Variants in PARN observed in about 807,000 individuals in gnomAD.
PARN encodes poly(A)-specific ribonuclease PARN.
In PARN, 71 loss-of-function variants were observed where a neutral mutation model predicts 102.8. The ratio of observed to expected loss-of-function variants is 0.69; its 90% CI spans 0.57 to 0.84. The LOEUF (loss-of-function observed/expected upper bound fraction) is 0.84. Among genes scored for constraint, PARN ranks in the 40% least tolerant of loss-of-function variants. The pLI is 0.00. For missense variants in PARN, 782 were observed against 760.9 expected (o/e 1.03, Z -0.33); for synonymous variants, 261 against 252.9 (o/e 1.03, Z -0.30).
intron 21 of PARN, among the ~76,000 whole-genome samples, chr16:14,540,306 A>G (rs1567363309): frequency 6.6e-6 from 1 of 152,214 alleles, no homozygotes; most frequent in Non-Finnish European, 1.5e-5. Context: ...ATTAACATTC[A>G]TGTGAAAAAT....
At chr16:14,524,337 T>G (rs1965887502) in intron 21 of PARN, among the ~76,000 whole-genome samples, 1 of 152,180 alleles carries the variant, frequency 6.6e-6, no homozygotes, top group Non-Finnish European at 1.5e-5. Flanking sequence ...TCACGGCGGT[T>G]TAGATCATCA....
chr16:14,544,772 C>T (rs1275921080), intron 21 of PARN, among the ~76,000 whole-genome samples: 1 of 152,038 alleles, frequency 6.6e-6, no homozygotes, highest in Non-Finnish European at 1.5e-5. Flanking sequence ...AATACAGCCA[C>T]AAAATACATG....
intron 18 of PARN, among the ~76,000 whole-genome samples, chr16:14,573,573 C>T (rs993956357): frequency 5.9e-5 from 9 of 152,162 alleles, no homozygotes; most frequent in African/African-American, 1.9e-4. Context: ...CTTATAACCT[C>T]GACGGAAGAT....
chr16:14,590,181 G>A (rs1259622630), intron 13 of PARN, among the ~76,000 whole-genome samples: 1 of 142,472 alleles, frequency 7.0e-6, no homozygotes, highest in African/African-American at 2.7e-5. Context: ...AACACAGGAG[G>A]CCGAGATCGC....
intron 6 of PARN, among the ~76,000 whole-genome samples, chr16:14,613,176 G>A (rs1031981599): frequency 8.6e-5 from 13 of 151,778 alleles, no homozygotes; most frequent in Middle Eastern, 3.2e-3. Flanking sequence ...GGGCGTGGTG[G>A]CACATGCCTG....
rs2151543900 is a variant in PARN at position 14,436,597 on chromosome 16, T to TG, written c.*119dup. 1 of 697,392 alleles carries TG rather than the reference T, an allele frequency of 1.4e-6. No homozygotes were observed. Among genetic ancestry groups the TG allele is most frequent in the Admixed American group, 2.7e-5 (1 of 36,746 alleles). The allele number at this position is 697,392 out of a possible 1,614,324, so 43.2% of individuals were successfully genotyped here. A position where few individuals can be genotyped will look rare whatever the true frequency, so the allele number is the denominator to read the frequency against. ...GTTTTCTCCCCCCCAGGAGACAACT[T>TG]GGTTTCCAACCCCTCCCATACCACA... On this transcript the variant is annotated 3_prime_UTR_variant, in exon 24 of 24. Coordinates refer to ENST00000437198, the MANE Select transcript of PARN (RefSeq NM_002582.4).
At chr16:14,523,996 C>T (rs1965871004) in intron 21 of PARN, among the ~76,000 whole-genome samples, 1 of 151,832 alleles carries the variant, frequency 6.6e-6, no homozygotes, top group Non-Finnish European at 1.5e-5. Flanking sequence ...AACTGTAACA[C>T]AATGGTTAAG....
intron 2 of PARN, among the ~76,000 whole-genome samples, 160 bp from the exon 3 acceptor site, chr16:14,628,411 C>T (rs1030881066): frequency 1.3e-5 from 2 of 152,080 alleles, no homozygotes; most frequent in African/African-American, 4.8e-5. Flanking sequence ...TTTCAGTGGC[C>T]ACCAGGTTAA....
At chr16:14,453,430 A>G (rs1392018803) in intron 22 of PARN, among the ~76,000 whole-genome samples, 1 of 152,222 alleles carries the variant, frequency 6.6e-6, no homozygotes, top group Non-Finnish European at 1.5e-5. Context: ...CTACATGAAC[A>G]TATTCCCCAT....
At chr16:14,620,627 A>G (rs1447387962) in intron 5 of PARN, among the ~76,000 whole-genome samples, 4 of 152,228 alleles carry the variant, frequency 2.6e-5, no homozygotes, top group Admixed American at 1.3e-4. Context: ...GGTAACAAAC[A>G]GTTCCATTAA....
intron 21 of PARN, among the ~76,000 whole-genome samples, chr16:14,548,781 C>T (rs1967119141): frequency 6.6e-6 from 1 of 152,108 alleles, no homozygotes; most frequent in Non-Finnish European, 1.5e-5. Context: ...ATAGCAAAAC[C>T]CTGTCTCTAC....
chr16:14,596,641 G>A (rs1214105647), intron 12 of PARN, among the ~76,000 whole-genome samples: 1 of 152,062 alleles, frequency 6.6e-6, no homozygotes, highest in African/African-American at 2.4e-5. Context: ...TGCTCAGGAG[G>A]CTAAGGAGGA....
At chr16:14,604,936 C>T (rs892473885) in intron 10 of PARN, among the ~76,000 whole-genome samples, 3 of 149,366 alleles carry the variant, frequency 2.0e-5, no homozygotes, top group African/African-American at 7.4e-5. Flanking sequence ...ATTTTTGTAA[C>T]CGCACACTTT....
At chr16:14,571,544 A>T (rs1016290451) in intron 18 of PARN, among the ~76,000 whole-genome samples, 1 of 152,154 alleles carries the variant, frequency 6.6e-6, no homozygotes, top group Non-Finnish European at 1.5e-5. Flanking sequence ...TCAATAATTC[A>T]AAACAAAGTC....
At chr16:14,598,695 T>G (rs1295477660) in intron 12 of PARN, among the ~76,000 whole-genome samples, 1 of 152,228 alleles carries the variant, frequency 6.6e-6, no homozygotes, top group Non-Finnish European at 1.5e-5. Context: ...AGAGAAGTCC[T>G]CGTGAGCCAA....
chr16:14,557,094 T>C (rs1010412807), intron 18 of PARN, among the ~76,000 whole-genome samples: 52 of 152,194 alleles, frequency 3.4e-4, no homozygotes, highest in African/African-American at 1.2e-3. Flanking sequence ...ATATCATGCA[T>C]TCTGTTGTGT....
chr16:14,504,558 C>G (rs1964789419), intron 21 of PARN, among the ~76,000 whole-genome samples: 1 of 151,528 alleles, frequency 6.6e-6, no homozygotes, highest in African/African-American at 2.4e-5. Flanking sequence ...GACTCCGTCT[C>G]AAAAAATAAA....
intron 14 of PARN, among the ~76,000 whole-genome samples, chr16:14,585,318 A>G (rs1483751584): frequency 6.6e-6 from 1 of 151,578 alleles, no homozygotes; most frequent in Non-Finnish European, 1.5e-5. Flanking sequence ...CAGAAACACC[A>G]AAAGGGGAGG....
At chr16:14,480,974 A>AATAG (rs1963349020) in intron 22 of PARN, among the ~76,000 whole-genome samples, 1 of 151,536 alleles carries the variant, frequency 6.6e-6, no homozygotes, top group South Asian at 2.1e-4. Flanking sequence ...TAAATAAATA[A>AATAG]CATAAAAGAT....
Sources: allele counts gnomAD v4.1 joint callset (sites outside exome capture counted in the v4.1 genomes callset), GRCh38; gene constraint gnomAD v4.1.1; transcripts MANE v1.5; gene names NCBI Gene and HGNC (gene_info 2026-07-23, HGNC 2026-07-21).